YTHDF3: variants seen among roughly 807,000 people sequenced by gnomAD.
YTHDF3 encodes the protein YTH domain-containing family protein 3.
A neutral mutation model predicts 52.5 loss-of-function variants in YTHDF3; 9 were observed. That is an observed-to-expected ratio of 0.17 (90% CI 0.10 to 0.30). YTHDF3 has a LOEUF of 0.30. Ranked by LOEUF, YTHDF3 falls within the 10% of genes least tolerant of loss-of-function variation. The probability of loss-of-function intolerance (pLI) is 1.00; values close to 1 mark genes in which losing one functional copy is unlikely to be tolerated. For missense variants in YTHDF3, 534 were observed against 715.0 expected (o/e 0.75, Z 2.89); for synonymous variants, 274 against 243.3 (o/e 1.13, Z -1.18).
rs188097763 is a variant in YTHDF3, at chr8:63,174,571, G to A, written c.50-760G>A. ...ACCTTACTTCTGAGTCTGCTCAAAA[G>A]CACTCTGAAACAGCATCCAGAGAAT... On this transcript the variant is annotated intron_variant, in intron 2 of 4. Transcript: ENST00000539294. Among the ~76,000 whole-genome samples the A allele has an allele frequency of 3.0e-3, 453 of 152,284 alleles. 3 individuals carry two copies. The highest frequency in any genetic ancestry group is 0.01 in the African/African-American group (434 of 41,554).
intron 1 of YTHDF3, 66 bp downstream of exon 1, chr8:63,168,967 C>T (rs1163834913): frequency 3.9e-6 from 6 of 1,533,488 alleles, no homozygotes; most frequent in Admixed American, 2.0e-5. Context: ...TCGCGCGGGG[C>T]TTCGGCTCCT....
At chr8:63,182,331 G>T (rs987270764) in intron 3 of YTHDF3, among the ~76,000 whole-genome samples, 2 of 148,664 alleles carry the variant, frequency 1.3e-5, no homozygotes, top group African/African-American at 5.0e-5. Context: ...CCAGCCTCCT[G>T]AGTAGCTGGG....
At chr8:63,175,280 G>A in intron 2 of YTHDF3, 51 bp from the exon 3 acceptor site, 1 of 1,354,460 alleles carries the variant, frequency 7.4e-7, no homozygotes, top group Non-Finnish European at 1.0e-6. Flanking sequence ...AGGTTGTGCT[G>A]CGAGTTTCAT....
rs185014959 is a variant in YTHDF3 at position 63,196,908 on chromosome 8, C to T, written c.1734+9163C>T. 1.8e-4 allele frequency among the ~76,000 whole-genome samples: 28 copies of T among 152,232 alleles called. No homozygotes were observed. The East Asian group carries it at 5.4e-3, about 29-fold the overall frequency. On this transcript the variant is annotated intron_variant, in intron 4 of 4. Transcript: ENST00000539294. ...AAAGAATTCAAGAAAGAACAACAAC[C>T]CGTAGCACCTGGTTATACTAGAACA...
At chr8:63,203,723 T>C (rs1476082604) in intron 4 of YTHDF3, among the ~76,000 whole-genome samples, 1 of 152,214 alleles carries the variant, frequency 6.6e-6, no homozygotes, top group African/African-American at 2.4e-5. Flanking sequence ...TCATGTCTCC[T>C]TACTCTCTAA....
chr8:63,187,120 C>T lies in YTHDF3; in HGVS notation c.1109C>T (p.Ala370Val), dbSNP rs777437074. The T allele has an allele frequency of 2.7e-5, 43 of 1,613,724 alleles. No individual in the cohort carries two copies. Among genetic ancestry groups the T allele is most frequent in the South Asian group, 3.3e-5 (3 of 91,076 alleles). ...RGAGFNQNNGAGSENFGLGVV... is the reference protein window; with the variant it reads ...RGAGFNQNNGVGSENFGLGVV... ...GCAGGCTTCAACCAGAACAATGGAG[C>T]GGGCAGTGAAAACTTTGGTTTAGGT... Residue 370 changes from alanine to valine, a missense_variant, in exon 4 of 5, where the codon GCG (alanine) becomes GTG (valine). This residue lies in a region of YTHDF3 where 203 missense variants were observed against 201.3 expected (regional missense o/e 1.01). Transcript: ENST00000539294.
intron 4 of YTHDF3, among the ~76,000 whole-genome samples, chr8:63,208,363 T>G (rs1417511032): frequency 6.6e-6 from 1 of 152,214 alleles, no homozygotes; most frequent in Admixed American, 6.5e-5. Context: ...ATTGACCACT[T>G]GCAAAATACG....
rs370117149 is a variant in YTHDF3, at chr8:63,186,738, A to G, written c.727A>G (p.Arg243Gly). ...PKPTSWAAIA[R>G]KPAKPQPKLK... ...ACCAACCTCCTGGGCTGCCATTGCC[A>G]GAAAGCCTGCCAAACCTCAACCGAA... Residue 243 changes from arginine (R) to glycine (G), a missense_variant, in exon 4 of 5, where the codon AGA becomes GGA. Arg to Gly is a moderately radical substitution (Grantham distance 125). This residue lies in a region of YTHDF3 where 196 missense variants were observed against 299.5 expected (regional missense o/e 0.65). Coordinates refer to ENST00000539294, the MANE Select transcript of YTHDF3 (RefSeq NM_152758.6). 11 of 1,613,914 alleles carry G rather than the reference A, an allele frequency of 6.8e-6. No homozygotes were observed. Among genetic ancestry groups the G allele is most frequent in the Non-Finnish European group, 1.7e-6 (2 of 1,179,908 alleles).
chr8:63,207,228 G>C (rs1810091644), intron 4 of YTHDF3, among the ~76,000 whole-genome samples: 2 of 152,172 alleles, frequency 1.3e-5, no homozygotes, highest in Admixed American at 1.3e-4. Flanking sequence ...TAAGTCCACT[G>C]TCTGATATTA....
intron 4 of YTHDF3, among the ~76,000 whole-genome samples, chr8:63,191,477 G>A (rs1044397635): frequency 6.6e-6 from 1 of 151,978 alleles, no homozygotes; most frequent in African/African-American, 2.4e-5. Context: ...TCTTAACTCT[G>A]TTTTCTTAAT....
intron 4 of YTHDF3, among the ~76,000 whole-genome samples, chr8:63,197,565 G>A (rs1274175002): frequency 2.0e-5 from 3 of 152,084 alleles, no homozygotes; most frequent in African/African-American, 7.2e-5. Flanking sequence ...CAAATCATAA[G>A]CACAGCCACT....
chr8:63,198,886 A>G (rs920500350), intron 4 of YTHDF3, among the ~76,000 whole-genome samples: 1 of 152,214 alleles, frequency 6.6e-6, no homozygotes, highest in Non-Finnish European at 1.5e-5. Flanking sequence ...GTAAAATTTG[A>G]AGAATGTTTT....
At chr8:63,197,179 G>A (rs1809294612) in intron 4 of YTHDF3, among the ~76,000 whole-genome samples, 1 of 152,220 alleles carries the variant, frequency 6.6e-6, no homozygotes, top group African/African-American at 2.4e-5. Flanking sequence ...AGCAGGCTTT[G>A]CTCTCTGCTG....
In YTHDF3 at chr8:63,212,558, T is replaced by C. The variant is rs1157070748; in HGVS notation, c.*2852T>C. The C allele has an allele frequency of 6.6e-6, 1 of 152,662 alleles. No individual in the cohort carries two copies. The highest frequency in any genetic ancestry group is 1.5e-5 in the Non-Finnish European group (1 of 68,032). The allele number at this position is 152,662 out of a possible 1,614,324, so 9.5% of individuals were successfully genotyped here. A position where few individuals can be genotyped will look rare whatever the true frequency, so the allele number is the denominator to read the frequency against. On this transcript the variant is annotated 3_prime_UTR_variant, in exon 5 of 5. Transcript: ENST00000539294. ...ATTAAGTTTTGCATATCTTTTGTTA[T>C]GCCATGTAAATTCCCTTTTTCGTAT...
intron 3 of YTHDF3, among the ~76,000 whole-genome samples, chr8:63,180,843 A>G (rs963793650): frequency 4.6e-5 from 7 of 152,222 alleles, no homozygotes; most frequent in Admixed American, 6.5e-5. Context: ...GCGTGGCGGC[A>G]AGCGCCTGCA....
rs775909430 is a variant in YTHDF3 at position 63,186,716 on chromosome 8, A to G, written c.705A>G (p.Pro235=). 5.7e-5 allele frequency: 92 copies of G among 1,613,824 alleles called. No homozygotes were observed. In the Admixed American group the frequency reaches 1.5e-3, roughly 26 times the overall value. ...CAGTTAGCAGTGCAGCACCTAAACC[A>G]ACCTCCTGGGCTGCCATTGCCAGAA... ...VPPVSSAAPK[P]TSWAAIARKP... Residue 235 remains proline, a synonymous_variant, in exon 4 of 5, where the codon CCA becomes CCG. Coordinates refer to ENST00000539294, the MANE Select transcript of YTHDF3 (RefSeq NM_152758.6).
Position 63,180,183 on chromosome 8 carries a change from C to T in YTHDF3, c.135+4767C>T, listed in dbSNP as rs534463095. Among the ~76,000 whole-genome samples, 1,142 of 147,718 alleles carry T rather than the reference C, an allele frequency of 7.7e-3. 21 individuals carry two copies. The highest frequency in any genetic ancestry group is 0.028 in the African/African-American group (1,098 of 39,776). On this transcript the variant is annotated intron_variant, in intron 3 of 4. Coordinates refer to ENST00000539294, the MANE Select transcript of YTHDF3 (RefSeq NM_152758.6). The stretch of plus-strand genomic sequence containing the variant: ...GGGGCTCCTCACTTCTCAGACGGGG[C>T]GGCTTCCGGGCGGAGGGGCGCCTCA...
chr8:63,176,688 T>A, intron 3 of YTHDF3, among the ~76,000 whole-genome samples: 1 of 150,314 alleles, frequency 6.7e-6, no homozygotes, highest in African/African-American at 2.5e-5. Context: ...TTTTTTTTTC[T>A]TTAATTTTTG....
Position 63,186,901 on chromosome 8 carries a change from C to G in YTHDF3, c.890C>G (p.Pro297Arg). Reference protein sequence around the residue: ...KAPPTQPVLPPQTIIQQPQPL... With the variant: ...KAPPTQPVLPRQTIIQQPQPL... The stretch of plus-strand genomic sequence containing the variant: ...CCACCAACCCAACCAGTTCTGCCTC[C>G]TCAAACTATAATCCAGCAGCCTCAG... Residue 297 changes from proline to arginine, a missense_variant, in exon 4 of 5, where the codon CCT (proline) becomes CGT (arginine). Physicochemically the swap from Pro to Arg is moderately radical, Grantham distance 103. Around this residue, in one of 3 missense-constraint regions of YTHDF3, gnomAD observed 203 missense variants for 201.3 expected, o/e 1.01. Transcript: ENST00000539294. The G allele has an allele frequency of 3.1e-6, 5 of 1,614,024 alleles. No individual in the cohort carries two copies. The highest frequency in any genetic ancestry group is 4.2e-6 in the Non-Finnish European group (5 of 1,179,904).
Sources: gnomAD v4.1 joint callset for allele counts (sites outside exome capture counted in the v4.1 genomes callset) on GRCh38, gnomAD v4.1.1 for gene constraint, gnomAD v4.1.1 regional missense constraint, MANE v1.5 for transcripts, NCBI Gene and HGNC (gene_info 2026-07-23, HGNC 2026-07-21) for gene names.